Variants in ITPR1 observed in about 807,000 individuals in gnomAD.
ITPR1 encodes the protein inositol 1,4,5-trisphosphate-gated calcium channel ITPR1.
ITPR1 carries 96 observed loss-of-function variants against 318.4 expected under a neutral mutation model. That is an observed-to-expected ratio of 0.30 (90% CI 0.26 to 0.36). The LOEUF (loss-of-function observed/expected upper bound fraction) is 0.36. ITPR1 is among the 10% of genes least tolerant of loss of function. The probability of loss-of-function intolerance (pLI) is 1.00; values close to 1 mark genes in which losing one functional copy is unlikely to be tolerated. For synonymous variants in ITPR1, 1,312 were observed against 1,289.9 expected (o/e 1.02, Z -0.37); for missense variants, 2,440 against 3,460.2 (o/e 0.71, Z 7.40).
At chr3:4,720,766 G>A (rs770347009) in intron 40 of ITPR1, among the ~76,000 whole-genome samples, 9 of 151,090 alleles carry the variant, frequency 6.0e-5, no homozygotes, top group African/African-American at 1.9e-4. Flanking sequence ...TGCTTCTGCC[G>A]GCAAAAGATG....
chr3:4,705,676 G>A (rs13313995), intron 36 of ITPR1, among the ~76,000 whole-genome samples: 43,054 of 152,040 alleles, frequency 0.28, 6,951 homozygotes, highest in Non-Finnish European at 0.38. Flanking sequence ...TTTTTAAGAC[G>A]AAGAAAGAAG....
intron 4 of ITPR1, among the ~76,000 whole-genome samples, chr3:4,572,830 A>T (rs189779260): frequency 2.6e-5 from 4 of 152,334 alleles, no homozygotes; most frequent in African/African-American, 9.6e-5. Flanking sequence ...ATATAACTGG[A>T]GTCATATTGT....
chr3:4,702,726 C>A, intron 35 of ITPR1, 104 bp from the exon 36 acceptor site: 2 of 1,243,122 alleles, frequency 1.6e-6, no homozygotes, highest in Non-Finnish European at 2.3e-6. Context: ...TGTCTCTGAT[C>A]TGGGGTCCAG....
chr3:4,840,588 C>T (rs1053392553), intron 61 of ITPR1, among the ~76,000 whole-genome samples: 5 of 152,040 alleles, frequency 3.3e-5, no homozygotes, highest in Admixed American at 6.6e-5. Context: ...TTGATTGTTT[C>T]GTTATGTATC....
intron 61 of ITPR1, among the ~76,000 whole-genome samples, chr3:4,840,828 G>A (rs947369662): frequency 3.9e-5 from 6 of 152,128 alleles, no homozygotes; most frequent in East Asian, 3.9e-4. Flanking sequence ...AAAATCTTTT[G>A]CATGTTTTCT....
chr3:4,680,437 T>C (rs1408834398), intron 24 of ITPR1, 116 bp from the exon 25 acceptor site: 1 of 858,684 alleles, frequency 1.2e-6, no homozygotes, highest in Admixed American at 2.2e-5. Context: ...GCTCACTTAG[T>C]GCTTAAGGTA....
At chr3:4,522,692 C>G (rs553344235) in intron 4 of ITPR1, among the ~76,000 whole-genome samples, 2 of 152,194 alleles carry the variant, frequency 1.3e-5, no homozygotes, top group African/African-American at 4.8e-5. Context: ...TTTCGTCCAA[C>G]GATCATAATT....
chr3:4,595,748 G>A (rs568262546), intron 4 of ITPR1, among the ~76,000 whole-genome samples: 28 of 152,180 alleles, frequency 1.8e-4, no homozygotes, highest in African/African-American at 5.1e-4. Context: ...GAAGAAGGTC[G>A]CATGGCACCA....
chr3:4,583,954 A>G (rs2089618028), intron 4 of ITPR1, among the ~76,000 whole-genome samples: 1 of 152,138 alleles, frequency 6.6e-6, no homozygotes. Flanking sequence ...GCTTCGTCCA[A>G]GGGCCTGGAA....
chr3:4,512,150 T>TA (rs540411399), intron 2 of ITPR1, among the ~76,000 whole-genome samples: 131 of 152,264 alleles, frequency 8.6e-4, no homozygotes, highest in African/African-American at 3.1e-3. Flanking sequence ...AATGTGTTTT[T>TA]ATTTTTATTT....
At chr3:4,803,577 G>C (rs2048374774) in intron 54 of ITPR1, among the ~76,000 whole-genome samples, 1 of 152,194 alleles carries the variant, frequency 6.6e-6, no homozygotes, top group South Asian at 2.1e-4. Flanking sequence ...AGATCAGTGT[G>C]GGGAGGGGAA....
rs1465080574 is a variant in ITPR1, at chr3:4,663,106, C to G, written c.1454C>G (p.Thr485Ser). 2.5e-6 allele frequency: 4 copies of G among 1,613,624 alleles called. No homozygotes were observed. The highest frequency in any genetic ancestry group is 2.5e-6 in the Non-Finnish European group (3 of 1,179,740). The change falls in exon 16 of 62, where the codon ACT becomes AGT. Residue 485 changes from threonine (T) to serine (S), a missense_variant. Physicochemically the swap from Thr to Ser is moderately conservative, Grantham distance 58. This residue lies in a region of ITPR1 where 478 missense variants were observed against 696.3 expected (regional missense o/e 0.69). Transcript: ENST00000649015. The stretch of plus-strand genomic sequence containing the variant: ...CTAGAAGATTTGGTTTACTTCGTCA[C>G]TGGTGGAACTAATTCTGGTCAAGAT... Reference protein sequence around the residue: ...KLLEDLVYFVTGGTNSGQDVL... With the variant: ...KLLEDLVYFVSGGTNSGQDVL...
At chr3:4,810,446 C>G (rs1305610649) in intron 55 of ITPR1, among the ~76,000 whole-genome samples, 1 of 152,154 alleles carries the variant, frequency 6.6e-6, no homozygotes, top group Non-Finnish European at 1.5e-5. Flanking sequence ...CAACTTCTTG[C>G]AAAGAGCAGG....
chr3:4,641,010 A>G lies in ITPR1; in HGVS notation c.367-1083A>G, dbSNP rs550264945. 3.3e-5 allele frequency among the ~76,000 whole-genome samples: 5 copies of G among 152,192 alleles called. No individual in the cohort carries two copies. The East Asian group carries it at 9.7e-4, about 29-fold the overall frequency. ...TATGGATCAGACAGGTTATTCTTCT[A>G]CCTCCAACTGCGCTGTTCGGGGATT... is the stretch of plus-strand genomic sequence containing the variant. On this transcript the variant is annotated intron_variant, in intron 6 of 61. Transcript: ENST00000649015.
intron 35 of ITPR1, among the ~76,000 whole-genome samples, chr3:4,701,661 T>A (rs2094655070): frequency 6.6e-6 from 1 of 152,222 alleles, no homozygotes; most frequent in Non-Finnish European, 1.5e-5. Context: ...TTGCCGTCAC[T>A]TCTCTTTTCT....
At chr3:4,770,544 C>G (rs892091549) in intron 46 of ITPR1, among the ~76,000 whole-genome samples, 5 of 152,156 alleles carry the variant, frequency 3.3e-5, no homozygotes, top group Admixed American at 6.6e-5. Flanking sequence ...TACCATGTGG[C>G]TTGCATGCTA....
chr3:4,735,164 G>T lies in ITPR1; in HGVS notation c.5354G>T (p.Gly1785Val), dbSNP rs200004069. 1.7e-5 allele frequency: 27 copies of T among 1,611,518 alleles called. No homozygotes were observed. The Admixed American group carries it at 2.2e-4, about 13-fold the overall frequency. The part of the protein sequence containing the change: ...AGGPGKPGGG[G>V]GGSGSSSMSR... ...TAAAAACAATATTCCATCTTCTTAGGGGGAGGTTCCGGATCCAGCTCTATG... is the reference window on the plus strand; with the variant it reads ...TAAAAACAATATTCCATCTTCTTAGTGGGAGGTTCCGGATCCAGCTCTATG... The change falls in exon 44 of 62, where the codon GGG becomes GTG. Residue 1785 changes from glycine to valine, a missense_variant and splice_region_variant. Physicochemically the swap from Gly to Val is moderately radical, Grantham distance 109 (BLOSUM62 -3). Coordinates refer to ENST00000649015, the MANE Select transcript of ITPR1 (RefSeq NM_001378452.1).
At chr3:4,599,913 A>G in intron 4 of ITPR1, among the ~76,000 whole-genome samples, 1 of 152,216 alleles carries the variant, frequency 6.6e-6, no homozygotes, top group East Asian at 1.9e-4. Context: ...AACTCACCAC[A>G]GGATAATGAA....
intron 44 of ITPR1, among the ~76,000 whole-genome samples, chr3:4,742,018 G>A (rs3792493): frequency 0.24 from 36,046 of 152,056 alleles, 4,414 homozygotes; most frequent in Non-Finnish European, 0.27. Context: ...CCCAGCAGGC[G>A]TCCCCAGAGA....
Sources: gnomAD v4.1 joint callset for allele counts (sites outside exome capture counted in the v4.1 genomes callset) on GRCh38, gnomAD v4.1.1 for gene constraint, gnomAD v4.1.1 regional missense constraint, MANE v1.5 for transcripts, NCBI Gene and HGNC (gene_info 2026-07-23, HGNC 2026-07-21) for gene names.